Variants in ZMYND8 observed in about 807,000 individuals in gnomAD.
The protein encoded by ZMYND8 is zinc finger MYND-type containing 8, also known as MYND-type zinc finger-containing chromatin reader ZMYND8.
In ZMYND8, 37 loss-of-function variants were observed where a neutral mutation model predicts 140.8. That is an observed-to-expected ratio of 0.26 (90% CI 0.20 to 0.35). The LOEUF is 0.35. ZMYND8 is among the 10% of genes least tolerant of loss of function. The probability of loss-of-function intolerance (pLI) is 1.00; values close to 1 mark genes in which losing one functional copy is unlikely to be tolerated. For missense variants in ZMYND8, 1,068 were observed against 1,570.0 expected, an observed-to-expected ratio of 0.68 and a Z score of 5.40; for synonymous variants, 592 against 597.1, an observed-to-expected ratio of 0.99 and a Z score of 0.12.
At chr20:47,331,022 GCA>G (rs2080893660) in intron 2 of ZMYND8, among the ~76,000 whole-genome samples, 1 of 152,202 alleles carries the variant, frequency 6.6e-6, no homozygotes, top group Non-Finnish European at 1.5e-5. Flanking sequence ...TGATGGATCT[GCA>G]CAGTCAGTGT....
At chr20:47,267,393 CA>C (rs1157711934) in intron 11 of ZMYND8, among the ~76,000 whole-genome samples, 2 of 144,982 alleles carry the variant, frequency 1.4e-5, no homozygotes, top group African/African-American at 5.2e-5. Flanking sequence ...CTGATCTGTT[CA>C]AAATGGTAAA....
At chr20:47,316,221 C>T (rs2079384279) in intron 2 of ZMYND8, among the ~76,000 whole-genome samples, 1 of 151,808 alleles carries the variant, frequency 6.6e-6, no homozygotes, top group Non-Finnish European at 1.5e-5. Flanking sequence ...ATCCCAGCTA[C>T]TCAGGAGGCT....
chr20:47,290,315 GACAAGCCAC>G (rs769823923), intron 6 of ZMYND8, 41 bp from the exon 7 acceptor site: 1 of 1,573,878 alleles, frequency 6.4e-7, no homozygotes, highest in Non-Finnish European at 8.7e-7. Flanking sequence ...AGTGAGTCTA[GACAAGCCAC>G]AGTCAGTGAC....
intron 11 of ZMYND8, among the ~76,000 whole-genome samples, chr20:47,264,954 T>C (rs2075402689): frequency 1.3e-5 from 2 of 151,760 alleles, no homozygotes; most frequent in South Asian, 4.2e-4. Context: ...GGAGGATCCA[T>C]TGAGCCTGGG....
At position 47,238,822 on chromosome 20, in the gene ZMYND8, T is replaced by TTGCTGCTGC. The variant is rs569370037; in HGVS notation, c.2592_2600dup (p.Gln865_Gln867dup). The TTGCTGCTGC allele has an allele frequency of 4.4e-5, 71 of 1,611,724 alleles. No homozygotes were observed. Among genetic ancestry groups the TTGCTGCTGC allele is most frequent in the Non-Finnish European group, 5.9e-5 (69 of 1,179,208 alleles). ...AAGACTGAGGCTGCTGCTGCTGGTT[T>TTGCTGCTGC]TGCTGCTGCTGCTGCTGCTGCTGAC... On this transcript the variant is annotated inframe_insertion, in exon 15 of 23. Transcript: ENST00000471951.
intron 11 of ZMYND8, among the ~76,000 whole-genome samples, chr20:47,264,272 GTTTTC>G (rs1601412989): frequency 6.6e-6 from 1 of 152,120 alleles, no homozygotes; most frequent in East Asian, 1.9e-4. Flanking sequence ...TAAGAAATAA[GTTTTC>G]TTTGCTTTTG....
intron 14 of ZMYND8, among the ~76,000 whole-genome samples, chr20:47,239,491 C>T (rs2039678915): frequency 6.6e-6 from 1 of 152,184 alleles, no homozygotes; most frequent in Admixed American, 6.5e-5. Context: ...TCAATGTTCA[C>T]GCCCTTTTCG....
At chr20:47,307,155 G>A (rs1413257773) in intron 3 of ZMYND8, among the ~76,000 whole-genome samples, 1 of 152,030 alleles carries the variant, frequency 6.6e-6, no homozygotes, top group Non-Finnish European at 1.5e-5. Flanking sequence ...ATAAAAAAAG[G>A]GACCCCGGAA....
chr20:47,306,271 G>A (rs2078475026), intron 3 of ZMYND8, among the ~76,000 whole-genome samples: 1 of 151,878 alleles, frequency 6.6e-6, no homozygotes, highest in African/African-American at 2.4e-5. Context: ...GACATGTGCC[G>A]ATAGTCCCAG....
chr20:47,303,572 G>A (rs970803392), intron 3 of ZMYND8, among the ~76,000 whole-genome samples: 5 of 152,150 alleles, frequency 3.3e-5, no homozygotes, highest in Admixed American at 6.5e-5. Context: ...ATAGGTGGGC[G>A]CCTGTCCAGC....
intron 2 of ZMYND8, among the ~76,000 whole-genome samples, chr20:47,334,670 C>T (rs542732207): frequency 1.7e-4 from 26 of 151,360 alleles, no homozygotes; most frequent in African/African-American, 5.8e-4. Flanking sequence ...AGTACAGTGG[C>T]ACGATCTTGG....
chr20:47,274,773 C>T (rs138435183), intron 11 of ZMYND8, among the ~76,000 whole-genome samples: 2 of 152,198 alleles, frequency 1.3e-5, no homozygotes, highest in Non-Finnish European at 2.9e-5. Flanking sequence ...CTCTCTACCC[C>T]TCCTACCACC....
chr20:47,321,481 C>G (rs2148355596), intron 2 of ZMYND8, among the ~76,000 whole-genome samples: 1 of 152,292 alleles, frequency 6.6e-6, no homozygotes, highest in Middle Eastern at 3.4e-3. Flanking sequence ...TGATCAGGCC[C>G]AAAGTCCACA....
chr20:47,338,060 G>A (rs1004077100), intron 2 of ZMYND8, among the ~76,000 whole-genome samples: 2 of 152,060 alleles, frequency 1.3e-5, no homozygotes, highest in Admixed American at 1.3e-4. Flanking sequence ...TTTTCTAAGT[G>A]CAAGTAGAGA....
At chr20:47,335,195 G>A (rs933606613) in intron 2 of ZMYND8, among the ~76,000 whole-genome samples, 3 of 151,986 alleles carry the variant, frequency 2.0e-5, no homozygotes, top group Non-Finnish European at 2.9e-5. Context: ...GCAGTGAGCC[G>A]AGATCGTCCC....
At chr20:47,305,640 T>C (rs1360517518) in intron 3 of ZMYND8, among the ~76,000 whole-genome samples, 1 of 151,800 alleles carries the variant, frequency 6.6e-6, no homozygotes, top group Non-Finnish European at 1.5e-5. Context: ...AGAAAATAAG[T>C]ACTAGCCACT....
chr20:47,318,205 A>G (rs2079571717), intron 2 of ZMYND8, among the ~76,000 whole-genome samples: 1 of 152,170 alleles, frequency 6.6e-6, no homozygotes, highest in South Asian at 2.1e-4. Flanking sequence ...CATTTCAATC[A>G]GACTGAAAAT....
intron 21 of ZMYND8, among the ~76,000 whole-genome samples, chr20:47,213,452 G>C (rs1358631945): frequency 5.3e-5 from 8 of 152,232 alleles, no homozygotes; most frequent in South Asian, 2.1e-4. Context: ...ACTCTGCCAT[G>C]AATGATATGG....
At chr20:47,244,270 T>TATCC (rs2040282185) in intron 14 of ZMYND8, among the ~76,000 whole-genome samples, 1 of 152,268 alleles carries the variant, frequency 6.6e-6, no homozygotes, top group African/African-American at 2.4e-5. Context: ...TAAACCTGGC[T>TATCC]ATCCCTTAAG....
Sources: allele counts gnomAD v4.1 joint callset (sites outside exome capture counted in the v4.1 genomes callset), GRCh38; gene constraint gnomAD v4.1.1; transcripts MANE v1.5; gene names NCBI Gene and HGNC (gene_info 2026-07-23, HGNC 2026-07-21).